Variants in CPVL observed in about 807,000 individuals in gnomAD.
CPVL encodes the protein probable serine carboxypeptidase CPVL.
In CPVL, 51 loss-of-function variants were observed where a neutral mutation model predicts 63.7. The ratio of observed to expected loss-of-function variants is 0.80; its 90% CI spans 0.64 to 1.01. The LOEUF (loss-of-function observed/expected upper bound fraction) is 1.01, where lower values mean the gene tolerates loss of function less well. Among genes scored for constraint, CPVL ranks in the 50% least tolerant of loss-of-function variants. CPVL has a pLI of 0.00. For missense variants in CPVL, 530 were observed against 573.1 expected (o/e 0.92, Z 0.77); for synonymous variants, 195 against 206.0 (o/e 0.95, Z 0.46).
intron 7 of CPVL, among the ~76,000 whole-genome samples, chr7:29,083,365 C>G (rs1456148057): frequency 6.6e-6 from 1 of 152,234 alleles, no homozygotes; most frequent in Admixed American, 6.5e-5. Flanking sequence ...GGCCCCCCAT[C>G]CTGGTCCCTA....
At chr7:29,166,304 A>G (rs1313340041) in intron 5 of CPVL, among the ~76,000 whole-genome samples, 1 of 152,206 alleles carries the variant, frequency 6.6e-6, no homozygotes, top group African/African-American at 2.4e-5. Flanking sequence ...TGCTGGGATT[A>G]GAGGCATGAG....
chr7:29,087,343 C>T (rs547547809), intron 6 of CPVL, among the ~76,000 whole-genome samples: 34 of 144,500 alleles, frequency 2.4e-4, no homozygotes, highest in African/African-American at 8.0e-4. Flanking sequence ...AGAATCACTT[C>T]AACCAGGGAG....
chr7:29,147,311 C>G (rs958539132), upstream of CPVL: 27 of 268,106 alleles, frequency 1.0e-4, no homozygotes, highest in Non-Finnish European at 1.9e-4. Flanking sequence ...CACGGGGAAT[C>G]TTCTGCACTG....
intron 8 of CPVL, 76 bp downstream of exon 8, chr7:29,072,225 G>C (rs1487503078): frequency 6.6e-7 from 1 of 1,523,770 alleles, no homozygotes. Context: ...AGACCTCTAA[G>C]AGGAGCCTTC....
At chr7:29,063,045 G>A (rs317713) in intron 11 of CPVL, among the ~76,000 whole-genome samples, 120,720 of 151,938 alleles carry the variant, frequency 0.79, 48,089 homozygotes, top group South Asian at 0.89. Flanking sequence ...GTAGTACCAG[G>A]AAAGAAATAA....
chr7:29,133,540 T>C (rs10280405), intron 1 of CPVL, among the ~76,000 whole-genome samples: 2,445 of 152,316 alleles, frequency 0.016, 75 homozygotes, highest in African/African-American at 0.057. Flanking sequence ...CAAAAGCTTC[T>C]GCCTCATCCA....
chr7:29,078,567 G>A (rs931041387), intron 7 of CPVL, among the ~76,000 whole-genome samples: 1 of 152,254 alleles, frequency 6.6e-6, no homozygotes, highest in African/African-American at 2.4e-5. Flanking sequence ...CAATTCAGAA[G>A]GATGAAGCTG....
intron 6 of CPVL, among the ~76,000 whole-genome samples, chr7:29,088,483 A>G (rs323191): frequency 0.94 from 143,565 of 152,140 alleles, 67,753 homozygotes; most frequent in Middle Eastern, 0.98. Context: ...GCAAGCACTT[A>G]GTAGCGTGGT....
Position 29,182,253 on chromosome 7 carries a change from C to CGCAGA in CPVL, c.-133-846_-133-842dup, listed in dbSNP as rs1343219735. 2.0e-5 allele frequency among the ~76,000 whole-genome samples: 3 copies of CGCAGA among 152,050 alleles called. No individual in the cohort carries two copies. In the East Asian group the frequency reaches 5.8e-4, roughly 29 times the overall value. ...AATGATAGAGTTTGAAAAATAGGAG[C>CGCAGA]GCAGAGGAAGGTTAGCAGTGGTGGA... On this transcript the variant is annotated intron_variant, in intron 4 of 16. Coordinates refer to the CPVL transcript ENST00000409850.
chr7:29,004,992 G>A (rs946181507), intron 12 of CPVL, among the ~76,000 whole-genome samples: 1 of 150,810 alleles, frequency 6.6e-6, no homozygotes, highest in Non-Finnish European at 1.5e-5. Flanking sequence ...TGCTTGCTGA[G>A]TTCAAGTGAT....
intron 7 of CPVL, chr7:29,082,377 G>A (rs1370805161): frequency 6.6e-6 from 1 of 152,184 alleles, no homozygotes; most frequent in African/African-American, 2.4e-5. Flanking sequence ...ATCCAGGGAG[G>A]AGCAAAGCCA....
rs577734409 is a variant in CPVL, at chr7:29,019,259, AGAC to A, written c.1320+11315_1320+11317del. 2.4e-3 allele frequency among the ~76,000 whole-genome samples: 361 copies of A among 152,318 alleles called. 4 individuals carry two copies. Among genetic ancestry groups the A allele is most frequent in the South Asian group, 0.013 (61 of 4,822 alleles). On this transcript the variant is annotated intron_variant, in intron 12 of 12. Coordinates refer to ENST00000265394, the MANE Select transcript of CPVL (RefSeq NM_031311.5). Reference sequence around the variant, plus strand: ...TTGACAGACAACTTCTAAATTTGACAGACGCTCAGAAAGTCTGCTGCTCGGATT... The same window carrying A: ...TTGACAGACAACTTCTAAATTTGACAGCTCAGAAAGTCTGCTGCTCGGATT...
intron 5 of CPVL, among the ~76,000 whole-genome samples, chr7:29,157,603 C>T (rs546318961): frequency 6.6e-6 from 1 of 152,262 alleles, no homozygotes; most frequent in African/African-American, 2.4e-5. Flanking sequence ...CTATGATTTG[C>T]ATTTTGCTAA....
chr7:29,039,123 G>A (rs1788821362), intron 11 of CPVL, among the ~76,000 whole-genome samples: 4 of 152,122 alleles, frequency 2.6e-5, no homozygotes, highest in Admixed American at 2.6e-4. Flanking sequence ...TAGAAGAGGG[G>A]CCAAGAAAAG....
intron 5 of CPVL, among the ~76,000 whole-genome samples, chr7:29,173,378 A>G (rs1482046826): frequency 6.6e-6 from 1 of 151,996 alleles, no homozygotes; most frequent in Non-Finnish European, 1.5e-5. Flanking sequence ...TTATGAAGTG[A>G]AAGGTGGTGC....
At position 29,179,624 on chromosome 7, in the gene CPVL, T is replaced by A. The variant is rs151022237; in HGVS notation, c.-11+1666A>T. 2.0e-5 allele frequency among the ~76,000 whole-genome samples: 3 copies of A among 152,338 alleles called. No individual in the cohort carries two copies. In the East Asian group the frequency reaches 5.8e-4, roughly 29 times the overall value. On this transcript the variant is annotated intron_variant, in intron 5 of 16. Transcript: ENST00000409850. The stretch of plus-strand genomic sequence containing the variant: ...GCTATATATCCTTTGCCAAATAGAA[T>A]TACTCTGATATATGTAAATAAATAT...
chr7:29,067,094 G>A (rs1027124476), intron 9 of CPVL, among the ~76,000 whole-genome samples: 3 of 152,116 alleles, frequency 2.0e-5, no homozygotes, highest in African/African-American at 4.8e-5. Flanking sequence ...GAAGAGATTC[G>A]GACAGGAGGT....
intron 1 of CPVL, among the ~76,000 whole-genome samples, chr7:29,133,949 G>C (rs1228683483): frequency 6.6e-6 from 1 of 152,208 alleles, no homozygotes. Flanking sequence ...GAATTGGCAA[G>C]AGTCTATAAC....
intron 5 of CPVL, among the ~76,000 whole-genome samples, chr7:29,093,377 C>CAAAAAAAAAA (rs371165878): frequency 1.4e-5 from 1 of 70,026 alleles, no homozygotes; most frequent in Non-Finnish European, 2.6e-5. Context: ...ACTCCGTCTC[C>CAAAAAAAAAA]AAAAAAAAAA....
Sources: gnomAD v4.1 joint callset for allele counts (sites outside exome capture counted in the v4.1 genomes callset) on GRCh38, gnomAD v4.1.1 for gene constraint, MANE v1.5 for transcripts, NCBI Gene and HGNC (gene_info 2026-07-23, HGNC 2026-07-21) for gene names.